Variants in AVEN observed in about 807,000 individuals in gnomAD.
AVEN encodes the protein cell death regulator Aven.
A neutral mutation model predicts 38.1 loss-of-function variants in AVEN; 41 were observed. The observed-to-expected ratio is 1.08, with a 90% CI of 0.84 to 1.40. The LOEUF (loss-of-function observed/expected upper bound fraction) is 1.40. Among genes scored for constraint, AVEN ranks in the 40% most tolerant of loss-of-function variants. AVEN has a pLI of 0.00. For missense variants in AVEN, 605 were observed against 438.8 expected, an observed-to-expected ratio of 1.38 and a Z score of -3.38; for synonymous variants, 206 against 171.8, an observed-to-expected ratio of 1.20 and a Z score of -1.56.
chr15:33,896,035 GA>G (rs1303329591), intron 2 of AVEN, among the ~76,000 whole-genome samples: 1 of 152,096 alleles, frequency 6.6e-6, no homozygotes, highest in Non-Finnish European at 1.5e-5. Context: ...AACGCCACAC[GA>G]AACATTGCTC....
chr15:33,961,869 G>A (rs1895204114), intron 2 of AVEN, among the ~76,000 whole-genome samples: 1 of 148,534 alleles, frequency 6.7e-6, no homozygotes, highest in Admixed American at 6.7e-5. Context: ...TCTGAGGAGA[G>A]TGTGTTCCTA....
chr15:34,034,214 G>A (rs983658362), intron 1 of AVEN, among the ~76,000 whole-genome samples: 1 of 152,136 alleles, frequency 6.6e-6, no homozygotes, highest in Non-Finnish European at 1.5e-5. Flanking sequence ...TGGCTGAGGC[G>A]GGAGGACTGC....
chr15:33,979,239 T>C (rs1896027845), intron 2 of AVEN, among the ~76,000 whole-genome samples: 1 of 152,146 alleles, frequency 6.6e-6, no homozygotes, highest in Non-Finnish European at 1.5e-5. Context: ...ACTGCACGGT[T>C]GGCCAGGCAC....
chr15:33,941,722 T>C (rs188004997), intron 2 of AVEN, among the ~76,000 whole-genome samples: 3 of 152,032 alleles, frequency 2.0e-5, no homozygotes, highest in Admixed American at 2.0e-4. Flanking sequence ...AGAAAATCTA[T>C]TAAAAACAAA....
At position 34,006,904 on chromosome 15, in the gene AVEN, A is replaced by G. The variant is rs540376856; in HGVS notation, c.268-3695T>C. ...GATGTGAGACAAAATAAAAATATGC[A>G]AAGCCTCAATATGGAGAAAAAGAAC... On this transcript the variant is annotated intron_variant, in intron 1 of 5. Transcript: ENST00000306730. 2.0e-5 allele frequency: 5 copies of G among 246,142 alleles called. No individual in the cohort carries two copies. In the East Asian group the frequency reaches 5.4e-4, roughly 26 times the overall value. The allele number at this position is 246,142 out of a possible 1,614,324, so 15.2% of individuals were successfully genotyped here. A position where few individuals can be genotyped will look rare whatever the true frequency, so the allele number is the denominator to read the frequency against.
chr15:34,045,030 A>C (rs1899634966), intron 5 of AVEN, among the ~76,000 whole-genome samples: 1 of 152,248 alleles, frequency 6.6e-6, no homozygotes, highest in Non-Finnish European at 1.5e-5. Flanking sequence ...CCTGGGCGAC[A>C]GAGCGAGACT....
exon 4 of AVEN, chr15:34,066,018 C>T (rs1056729210): frequency 6.6e-6 from 1 of 152,276 alleles, no homozygotes; most frequent in African/African-American, 2.4e-5. Context: ...CATCATCAGC[C>T]TCTCACAGGA....
chr15:33,965,346 A>G (rs1895345049), intron 2 of AVEN, among the ~76,000 whole-genome samples: 1 of 152,154 alleles, frequency 6.6e-6, no homozygotes, highest in African/African-American at 2.4e-5. Flanking sequence ...ATCACACTCA[A>G]TTGAGATTAT....
chr15:33,910,814 A>C (rs916901124), intron 2 of AVEN, among the ~76,000 whole-genome samples: 4 of 152,204 alleles, frequency 2.6e-5, no homozygotes, highest in Non-Finnish European at 5.9e-5. Context: ...GGCAGCTCCC[A>C]ACGGAGAGTT....
intron 5 of AVEN, among the ~76,000 whole-genome samples, chr15:34,056,189 T>C (rs982500949): frequency 9.9e-5 from 15 of 152,236 alleles, no homozygotes; most frequent in African/African-American, 3.6e-4. Context: ...TGTTTTCTAC[T>C]GTGAGCCTAT....
chr15:34,043,075 G>A (rs944694285), upstream of AVEN, among the ~76,000 whole-genome samples: 2 of 151,842 alleles, frequency 1.3e-5, no homozygotes, highest in African/African-American at 2.4e-5. Context: ...GTGAAACCCC[G>A]TCTCTACTGA....
At chr15:33,915,720 A>C (rs2153046397) in intron 2 of AVEN, among the ~76,000 whole-genome samples, 1 of 152,334 alleles carries the variant, frequency 6.6e-6, no homozygotes, top group South Asian at 2.1e-4. Flanking sequence ...CAGAAGCCAC[A>C]GCAGGTGGGG....
intron 2 of AVEN, among the ~76,000 whole-genome samples, chr15:33,964,445 T>C (rs1007545384): frequency 6.6e-6 from 1 of 152,188 alleles, no homozygotes; most frequent in Non-Finnish European, 1.5e-5. Context: ...GAAAGATTCA[T>C]TTAAAGTGTC....
intron 2 of AVEN, among the ~76,000 whole-genome samples, chr15:33,892,150 C>T (rs1892002597): frequency 6.6e-6 from 1 of 152,080 alleles, no homozygotes. Flanking sequence ...GGGTAGATTG[C>T]AAAAATTTTC....
intron 2 of AVEN, among the ~76,000 whole-genome samples, chr15:33,941,953 C>T (rs1210077053): frequency 1.3e-5 from 2 of 152,168 alleles, no homozygotes; most frequent in Non-Finnish European, 2.9e-5. Context: ...AATAAAGGGA[C>T]AGCCTGCCCT....
At chr15:33,897,520 T>A (rs1892283722) in intron 2 of AVEN, among the ~76,000 whole-genome samples, 2 of 152,162 alleles carry the variant, frequency 1.3e-5, no homozygotes, top group Admixed American at 1.3e-4. Context: ...TCTGCCTGCC[T>A]CAGCTTCCCA....
the AVEN span, chr15:33,853,413 C>T: frequency 8.8e-7 from 1 of 1,137,908 alleles, no homozygotes; most frequent in Non-Finnish European, 1.2e-6. Flanking sequence ...TGGGTTTTCT[C>T]TTTTTTCTGC....
chr15:33,988,860 A>C (rs1171965235), intron 2 of AVEN, among the ~76,000 whole-genome samples: 2 of 152,242 alleles, frequency 1.3e-5, no homozygotes, highest in Admixed American at 6.5e-5. Context: ...AAAGATTTTC[A>C]GTAAAGGTGA....
chr15:33,893,951 A>ATTTTT lies in AVEN; in HGVS notation c.446-17961_446-17957dup, dbSNP rs11463061. ...AAGGAGGAGCAACCTTGATGCCAAG[A>ATTTTT]TTTTTTTTTTTTTTTTGAGACAGAG... is the stretch of plus-strand genomic sequence containing the variant. On this transcript the variant is annotated intron_variant, in intron 2 of 5. Coordinates refer to ENST00000306730, the MANE Select transcript of AVEN (RefSeq NM_020371.3). Among the ~76,000 whole-genome samples, 31 of 142,336 alleles carry ATTTTT rather than the reference A, an allele frequency of 2.2e-4. 1 individual carries two copies. The highest frequency in any genetic ancestry group is 1.6e-3 in the South Asian group (7 of 4,444). 93.4% of individuals were successfully genotyped at this position (142,336 alleles called of 152,430 possible).
Sources: allele counts gnomAD v4.1 joint callset (sites outside exome capture counted in the v4.1 genomes callset), GRCh38; gene constraint gnomAD v4.1.1; transcripts MANE v1.5; gene names NCBI Gene and HGNC (gene_info 2026-07-23, HGNC 2026-07-21).